Variants in RGP1 observed in about 807,000 individuals in gnomAD.
The protein encoded by RGP1 is RGP1 partner of RAB6A GEF complex.
Under a neutral mutation model 44.5 loss-of-function variants are expected in RGP1, and 28 were observed. The ratio of observed to expected loss-of-function variants is 0.63; its 90% CI spans 0.47 to 0.86. The LOEUF (loss-of-function observed/expected upper bound fraction) is 0.86. RGP1 is among the 40% of genes least tolerant of loss of function. The pLI is 0.00. For synonymous variants in RGP1, 212 were observed against 196.7 expected, an observed-to-expected ratio of 1.08 and a Z score of -0.65; for missense variants, 417 against 490.7, an observed-to-expected ratio of 0.85 and a Z score of 1.42.
At chr9:35,771,577 C>G in the RGP1 span, among the ~76,000 whole-genome samples, 16 of 152,080 alleles carry the variant, frequency 1.1e-4, no homozygotes, top group African/African-American at 3.9e-4. Context: ...ATTTAACATA[C>G]CCTGGGTTTA....
chr9:35,774,889 G>C, the RGP1 span, among the ~76,000 whole-genome samples: 3 of 143,826 alleles, frequency 2.1e-5, no homozygotes, highest in African/African-American at 2.9e-5. Context: ...AAATTTTGGT[G>C]GGGGGGGCTT....
the RGP1 span, among the ~76,000 whole-genome samples, chr9:35,785,156 G>A: frequency 2.6e-5 from 4 of 152,222 alleles, no homozygotes; most frequent in African/African-American, 9.7e-5. Context: ...GAGGGTTGTT[G>A]TCAGCACAAC....
rs1827350819 is a variant in RGP1, at chr9:35,755,775, G to A, written c.*2901G>A. 6.6e-6 allele frequency: 1 copy of A among 152,236 alleles called. No homozygotes were observed. The highest frequency in any genetic ancestry group is 2.4e-5 in the African/African-American group (1 of 41,438). The allele number at this position is 152,236 out of a possible 1,614,324, so 9.4% of individuals were successfully genotyped here. A position where few individuals can be genotyped will look rare whatever the true frequency, so the allele number is the denominator to read the frequency against. On this transcript the variant is annotated 3_prime_UTR_variant, in exon 9 of 9. Transcript: ENST00000378078. ...TGCTCCCGCTTCCTAACAGGCCACAGACTGGTACTGGCCTGTGGCCTGGGG... is the reference window on the plus strand; with the variant it reads ...TGCTCCCGCTTCCTAACAGGCCACAAACTGGTACTGGCCTGTGGCCTGGGG...
Position 35,751,636 on chromosome 9 carries a change from A to G in RGP1, c.644A>G (p.Asn215Ser), listed in dbSNP as rs936192505. Residue 215 changes from asparagine to serine, a missense_variant, in exon 7 of 9, where the codon AAT (asparagine) becomes AGT (serine). Physicochemically the swap from Asn to Ser is conservative, Grantham distance 46 (BLOSUM62 1). Coordinates refer to ENST00000378078, the MANE Select transcript of RGP1 (RefSeq NM_001080496.3). ...ATSCRSLHLY[N>S]ISDGRGKVGT... ...GTCCTATTCTCCCCAGATCTATACA[A>G]TATCAGTGATGGCCGAGGGAAAGTT... 2 of 1,613,884 alleles carry G rather than the reference A, an allele frequency of 1.2e-6. No homozygotes were observed. The highest frequency in any genetic ancestry group is 2.7e-5 in the African/African-American group (2 of 74,922).
Position 35,752,034 on chromosome 9 carries a change from G to C in RGP1, c.841G>C (p.Val281Leu). 5 of 1,611,240 alleles carry C rather than the reference G, an allele frequency of 3.1e-6. No homozygotes were observed. The highest frequency in any genetic ancestry group is 2.5e-6 in the Non-Finnish European group (3 of 1,178,404). ...ACGTGGGGCAGGGGGTGTCCCCTCT[G>C]TGTCACATGTGACTCACGCCCGGCA... ...RRRGAGGVPSVSHVTHARHQE... is the reference protein window; with the variant it reads ...RRRGAGGVPSLSHVTHARHQE... The change falls in exon 8 of 9, where the codon GTG (valine) becomes CTG (leucine). Residue 281 changes from valine (V) to leucine (L), a missense_variant. Transcript: ENST00000378078.
the RGP1 span, among the ~76,000 whole-genome samples, chr9:35,765,333 C>T: frequency 1.7e-3 from 255 of 151,922 alleles, no homozygotes; most frequent in South Asian, 7.9e-3. Flanking sequence ...ATCTTAGATC[C>T]TGTTGTAAGT....
chr9:35,771,679 A>C, the RGP1 span, among the ~76,000 whole-genome samples: 1 of 152,218 alleles, frequency 6.6e-6, no homozygotes, highest in African/African-American at 2.4e-5. Flanking sequence ...CTTAAAGCTG[A>C]GTACACAAGA....
In RGP1 at chr9:35,756,082, C is replaced by T. The variant is rs1232528555; in HGVS notation, c.*3208C>T. On this transcript the variant is annotated 3_prime_UTR_variant, in exon 9 of 9. Transcript: ENST00000378078. ...CGCTCATGTGAACTCTCCAGTTCTCCTTTCTCACCACTCTCCTGCTAGCCA... is the reference window on the plus strand; with the variant it reads ...CGCTCATGTGAACTCTCCAGTTCTCTTTTCTCACCACTCTCCTGCTAGCCA... 1 of 152,238 alleles carries T rather than the reference C, an allele frequency of 6.6e-6. No homozygotes were observed. The highest frequency in any genetic ancestry group is 2.4e-5 in the African/African-American group (1 of 41,442). 9.4% of individuals were successfully genotyped at this position (152,238 alleles called of 1,614,324 possible). A position where few individuals can be genotyped will look rare whatever the true frequency, so the allele number is the denominator to read the frequency against.
the RGP1 span, among the ~76,000 whole-genome samples, chr9:35,784,677 C>T: frequency 1.3e-5 from 2 of 152,120 alleles, no homozygotes; most frequent in South Asian, 2.1e-4. Flanking sequence ...GGTCTCTTGG[C>T]CAAGCTGGTC....
At chr9:35,758,736 C>T (rs1471027445), downstream of RGP1, among the ~76,000 whole-genome samples, 1 of 152,134 alleles carries the variant, frequency 6.6e-6, no homozygotes, top group Non-Finnish European at 1.5e-5. Context: ...CCGACTTCCT[C>T]TACTATAAAT....
chr9:35,753,239 C>T lies in RGP1; in HGVS notation c.*365C>T, dbSNP rs537938874. 1.7e-4 allele frequency: 275 copies of T among 1,614,134 alleles called. No individual in the cohort carries two copies. The highest frequency in any genetic ancestry group is 2.1e-4 in the Non-Finnish European group (243 of 1,180,020). ...GAACTGGCAGGTTCCTGCCTCCTGA[C>T]GTACCTCACACCCAGCCGGGAAGTC... On this transcript the variant is annotated 3_prime_UTR_variant, in exon 9 of 9. Transcript: ENST00000378078. This position sits in a 1 kb window ranked among gnomAD's most constrained non-coding sequence, Gnocchi z 4.2.
At position 35,753,725 on chromosome 9, in the gene RGP1, A is replaced by G. The variant is rs1255011015; in HGVS notation, c.*851A>G. ...AATGGAAACAGTCCTTGCGGAGCCA[A>G]GACTCACCCAGGGTAAAATATTTCC... On this transcript the variant is annotated 3_prime_UTR_variant, in exon 9 of 9. Transcript: ENST00000378078. The surrounding 1 kb of genome is among the most constrained non-coding windows in gnomAD (Gnocchi z 4.2). 1 of 1,614,184 alleles carries G rather than the reference A, an allele frequency of 6.2e-7. No individual in the cohort carries two copies. The highest frequency in any genetic ancestry group is 8.5e-7 in the Non-Finnish European group (1 of 1,180,024).
At chr9:35,780,585 C>T in the RGP1 span, 1 of 152,186 alleles carries the variant, frequency 6.6e-6, no homozygotes, top group Non-Finnish European at 1.5e-5. Context: ...TAAAGTGAAT[C>T]CCTGGCTGGG....
the RGP1 span, among the ~76,000 whole-genome samples, chr9:35,781,043 A>G: frequency 6.6e-6 from 1 of 152,192 alleles, no homozygotes; most frequent in Non-Finnish European, 1.5e-5. Flanking sequence ...GGAATACACA[A>G]TCTAATGGGG....
the RGP1 span, among the ~76,000 whole-genome samples, chr9:35,779,312 C>T: frequency 2.0e-5 from 3 of 152,150 alleles, no homozygotes; most frequent in African/African-American, 4.8e-5. Flanking sequence ...GTACTTTTCC[C>T]TCCTTTCCCC....
the RGP1 span, among the ~76,000 whole-genome samples, chr9:35,781,625 A>G: frequency 6.6e-6 from 1 of 152,154 alleles, no homozygotes; most frequent in Non-Finnish European, 1.5e-5. Flanking sequence ...TGACACTGGC[A>G]ATACCTTTTA....
In RGP1 at chr9:35,758,316, A is replaced by G. The variant is rs1389581817; in HGVS notation, c.*5442A>G. 6.6e-6 allele frequency: 1 copy of G among 152,242 alleles called. No homozygotes were observed. Among genetic ancestry groups the G allele is most frequent in the Non-Finnish European group, 1.5e-5 (1 of 68,040 alleles). The allele number at this position is 152,242 out of a possible 1,614,324, so 9.4% of individuals were successfully genotyped here. On this transcript the variant is annotated 3_prime_UTR_variant, in exon 9 of 9. Coordinates refer to ENST00000378078, the MANE Select transcript of RGP1 (RefSeq NM_001080496.3). Reference sequence around the variant, plus strand: ...GTGTATGTAATTATACAGTTTCTGTATTTATCCTGTGGCTGATAGAAAAAG... The same window carrying G: ...GTGTATGTAATTATACAGTTTCTGTGTTTATCCTGTGGCTGATAGAAAAAG...
At chr9:35,759,741 A>T (rs1270496521), downstream of RGP1, among the ~76,000 whole-genome samples, 2 of 151,432 alleles carry the variant, frequency 1.3e-5, no homozygotes, top group Non-Finnish European at 2.9e-5. Context: ...AATACTTAAA[A>T]TTTTTTTCCT....
the RGP1 span, among the ~76,000 whole-genome samples, chr9:35,789,901 A>T: frequency 6.6e-6 from 1 of 152,156 alleles, no homozygotes; most frequent in Non-Finnish European, 1.5e-5. Flanking sequence ...GGACACTGCG[A>T]CCTTCCTCTC....
Sources: gnomAD v4.1 joint callset for allele counts (sites outside exome capture counted in the v4.1 genomes callset) on GRCh38, gnomAD v4.1.1 for gene constraint, Gnocchi (gnomAD v3.1) non-coding constraint, MANE v1.5 for transcripts, NCBI Gene and HGNC (gene_info 2026-07-23, HGNC 2026-07-21) for gene names.